Variants in SLC25A31 observed in about 807,000 individuals in gnomAD.
The protein encoded by SLC25A31 is solute carrier family 25 member 31.
In SLC25A31, 40 loss-of-function variants were observed where a neutral mutation model predicts 36.2. The observed-to-expected ratio is 1.10, with a 90% CI of 0.86 to 1.44. The LOEUF (loss-of-function observed/expected upper bound fraction) is 1.44, where lower values mean the gene tolerates loss of function less well. Among genes scored for constraint, SLC25A31 ranks in the 40% most tolerant of loss-of-function variants. SLC25A31 has a pLI of 0.00. For synonymous variants in SLC25A31, 143 were observed against 149.7 expected, an observed-to-expected ratio of 0.96 and a Z score of 0.32; for missense variants, 350 against 397.1, an observed-to-expected ratio of 0.88 and a Z score of 1.01.
intron 3 of SLC25A31, 25 bp downstream of exon 3, chr4:127,764,385 CTT>C (rs1732200166): frequency 6.5e-7 from 1 of 1,546,108 alleles, no homozygotes; most frequent in South Asian, 1.1e-5. Context: ...GAAATACTAA[CTT>C]TTCCTTCTTT....
At chr4:127,761,364 A>T (rs1732125746) in intron 2 of SLC25A31, among the ~76,000 whole-genome samples, 1 of 152,222 alleles carries the variant, frequency 6.6e-6, no homozygotes, top group African/African-American at 2.4e-5. Flanking sequence ...TCTTTATGCC[A>T]CATATTTTGT....
intron 2 of SLC25A31, among the ~76,000 whole-genome samples, chr4:127,760,263 TAA>T (rs1476108683): frequency 1.3e-5 from 2 of 152,216 alleles, no homozygotes; most frequent in Admixed American, 1.3e-4. Flanking sequence ...TATCTCAAAA[TAA>T]AAAGTTTTTT....
intron 1 of SLC25A31, among the ~76,000 whole-genome samples, chr4:127,743,893 T>C (rs73847056): frequency 0.021 from 3,168 of 152,300 alleles, 106 homozygotes; most frequent in African/African-American, 0.071. Context: ...TCCGAACTGG[T>C]GCTAGAGGTA....
At chr4:127,747,197 T>C (rs190047883) in intron 2 of SLC25A31, among the ~76,000 whole-genome samples, 29 of 152,244 alleles carry the variant, frequency 1.9e-4, no homozygotes, top group Middle Eastern at 3.4e-3. Flanking sequence ...AGTTTGAAGT[T>C]GGGTAACATG....
chr4:127,739,172 G>A (rs1731688497), intron 1 of SLC25A31, among the ~76,000 whole-genome samples: 1 of 152,134 alleles, frequency 6.6e-6, no homozygotes, highest in Non-Finnish European at 1.5e-5. Flanking sequence ...ATTTTATATT[G>A]TGTGGTTGCT....
chr4:127,755,284 A>G (rs1732008463), intron 2 of SLC25A31, among the ~76,000 whole-genome samples: 1 of 152,226 alleles, frequency 6.6e-6, no homozygotes. Flanking sequence ...CAGATGGGAT[A>G]GTATTAAACT....
chr4:127,764,100 G>A, intron 2 of SLC25A31, 143 bp from the exon 3 acceptor site: 1 of 643,182 alleles, frequency 1.6e-6, no homozygotes, highest in Non-Finnish European at 2.6e-6. Flanking sequence ...GGATAGCATG[G>A]TATGCATTAT....
intron 2 of SLC25A31, among the ~76,000 whole-genome samples, chr4:127,745,142 C>T (rs187059654): frequency 2.3e-4 from 35 of 152,136 alleles, no homozygotes; most frequent in African/African-American, 7.9e-4. Context: ...TCAACAAGTA[C>T]GTAGTTCCTA....
intron 2 of SLC25A31, among the ~76,000 whole-genome samples, chr4:127,757,485 G>A (rs1349261334): frequency 1.3e-5 from 2 of 152,166 alleles, no homozygotes; most frequent in Admixed American, 1.3e-4. Flanking sequence ...TTTTAAAGCT[G>A]TATGGTATTC....
chr4:127,760,529 C>G (rs1328089069), intron 2 of SLC25A31, among the ~76,000 whole-genome samples: 1 of 152,180 alleles, frequency 6.6e-6, no homozygotes, highest in Non-Finnish European at 1.5e-5. Flanking sequence ...TCAGCACAGC[C>G]CTCAATGAGG....
chr4:127,767,367 G>A, intron 4 of SLC25A31, 147 bp downstream of exon 4: 3 of 792,018 alleles, frequency 3.8e-6, no homozygotes, highest in Non-Finnish European at 5.4e-6. Context: ...GCTTAATCAT[G>A]ATTTTGCCAT....
rs148905644 is a variant in SLC25A31 at position 127,768,363 on chromosome 4, C to T, written c.634-389C>T. Reference sequence around the variant, plus strand: ...CTGCAGTAGTTATGAAATTTAGGAACATTTCTCCACTAGTTTTAAAGCTGC... The same window carrying T: ...CTGCAGTAGTTATGAAATTTAGGAATATTTCTCCACTAGTTTTAAAGCTGC... On this transcript the variant is annotated intron_variant, in intron 4 of 5. Coordinates refer to ENST00000281154, the MANE Select transcript of SLC25A31 (RefSeq NM_031291.4). Among the ~76,000 whole-genome samples, 11 of 152,166 alleles carry T rather than the reference C, an allele frequency of 7.2e-5. No individual in the cohort carries two copies. The East Asian group carries it at 1.9e-3, about 27-fold the overall frequency.
chr4:127,744,947 G>A, intron 2 of SLC25A31, 148 bp downstream of exon 2: 1 of 563,564 alleles, frequency 1.8e-6, no homozygotes, highest in Non-Finnish European at 2.8e-6. Context: ...TTTTATTTGG[G>A]GAGGATGTGC....
At chr4:127,756,020 A>G (rs115214634) in intron 2 of SLC25A31, among the ~76,000 whole-genome samples, 6,035 of 151,568 alleles carry the variant, frequency 0.04, 418 homozygotes, top group African/African-American at 0.14. Context: ...GCGGCAAAGC[A>G]AGACCCCACC....
Position 127,730,671 on chromosome 4 carries a change from G to A in SLC25A31, c.126G>A (p.Glu42=). Residue 42 remains glutamate, a synonymous_variant, in exon 1 of 6, where the codon GAG becomes GAA. Transcript: ENST00000281154. The stretch of plus-strand genomic sequence containing the variant: ...CCAAGACAGCGGTGGCGCCCATCGA[G>A]CGGGTGAAGCTGCTGCTGCAGGTGC... The part of the protein sequence containing the change: ...AVSKTAVAPI[E]RVKLLLQVQA... 1 of 1,613,914 alleles carries A rather than the reference G, an allele frequency of 6.2e-7. No homozygotes were observed. The highest frequency in any genetic ancestry group is 8.5e-7 in the Non-Finnish European group (1 of 1,179,942).
chr4:127,745,771 G>A (rs1410090665), intron 2 of SLC25A31, among the ~76,000 whole-genome samples: 2 of 152,122 alleles, frequency 1.3e-5, no homozygotes, highest in South Asian at 2.1e-4. Context: ...GAATTGGAAG[G>A]TTTAGATTTG....
At chr4:127,757,280 C>T (rs1221832969) in intron 2 of SLC25A31, among the ~76,000 whole-genome samples, 1 of 152,168 alleles carries the variant, frequency 6.6e-6, no homozygotes, top group South Asian at 2.1e-4. Context: ...TTAACCCTTC[C>T]CCCACTTTCC....
intron 2 of SLC25A31, among the ~76,000 whole-genome samples, chr4:127,760,193 C>T (rs1239836900): frequency 6.6e-6 from 1 of 152,094 alleles, no homozygotes; most frequent in East Asian, 1.9e-4. Flanking sequence ...GAGGATAATT[C>T]GTTGAAGGAT....
intron 5 of SLC25A31, 83 bp from the exon 6 acceptor site, chr4:127,773,303 A>G (rs1732400913): frequency 7.8e-7 from 1 of 1,276,028 alleles, no homozygotes; most frequent in Non-Finnish European, 1.1e-6. Context: ...TGTTTATCTT[A>G]TCTATCCTTA....
Sources: allele counts gnomAD v4.1 joint callset (sites outside exome capture counted in the v4.1 genomes callset), GRCh38; gene constraint gnomAD v4.1.1; transcripts MANE v1.5; gene names NCBI Gene and HGNC (gene_info 2026-07-23, HGNC 2026-07-21).